Variants in EXOC6B observed in about 807,000 individuals in gnomAD.
EXOC6B encodes the protein exocyst complex component 6B, also known as SEC15 homolog B.
In EXOC6B, 54 loss-of-function variants were observed where a neutral mutation model predicts 113.5. The ratio of observed to expected loss-of-function variants is 0.48; its 90% CI spans 0.38 to 0.60. The LOEUF is 0.60. EXOC6B is among the 20% of genes least tolerant of loss of function. EXOC6B has a pLI of 0.00. For missense variants in EXOC6B, 797 were observed against 977.5 expected (o/e 0.82, Z 2.46); for synonymous variants, 357 against 339.0 (o/e 1.05, Z -0.58).
chr2:72,272,960 G>T (rs1206989018), intron 20 of EXOC6B, among the ~76,000 whole-genome samples: 1 of 152,118 alleles, frequency 6.6e-6, no homozygotes, highest in Non-Finnish European at 1.5e-5. Flanking sequence ...ACTGCATTAA[G>T]GAGAAAGTAA....
Position 72,646,163 on chromosome 2 carries a change from A to C in EXOC6B, c.670-70495T>G, listed in dbSNP as rs1673693664. 2.0e-5 allele frequency among the ~76,000 whole-genome samples: 3 copies of C among 152,252 alleles called. No individual in the cohort carries two copies. In the South Asian group the frequency reaches 6.2e-4, roughly 32 times the overall value. On this transcript the variant is annotated intron_variant, in intron 6 of 21. Coordinates refer to ENST00000272427, the MANE Select transcript of EXOC6B (RefSeq NM_015189.3). ...ACTACCATCAGAGAATACTATAAAC[A>C]CCTCTACGCAGATAAACTAGAAAAT...
At chr2:72,326,711 T>C (rs6727580) in intron 20 of EXOC6B, among the ~76,000 whole-genome samples, 29,147 of 151,732 alleles carry the variant, frequency 0.19, 5,062 homozygotes, top group African/African-American at 0.47. Flanking sequence ...TAAAAGGTCA[T>C]TCTAACACCT....
intron 8 of EXOC6B, among the ~76,000 whole-genome samples, chr2:72,519,193 C>T (rs1339566530): frequency 6.6e-6 from 1 of 152,078 alleles, no homozygotes. Context: ...ATGTTCCTAG[C>T]TAAGGTTTAA....
intron 20 of EXOC6B, among the ~76,000 whole-genome samples, chr2:72,236,932 T>G (rs1350499130): frequency 1.3e-5 from 2 of 152,144 alleles, no homozygotes; most frequent in African/African-American, 4.8e-5. Flanking sequence ...AGAGTAGTAG[T>G]CCTGTTTTTC....
intron 6 of EXOC6B, among the ~76,000 whole-genome samples, chr2:72,641,121 C>T (rs929784298): frequency 6.6e-6 from 1 of 152,226 alleles, no homozygotes; most frequent in African/African-American, 2.4e-5. Context: ...ATAGGAGCAG[C>T]TCCAGTCTGC....
intron 20 of EXOC6B, among the ~76,000 whole-genome samples, chr2:72,293,115 T>C (rs140149805): frequency 6.6e-6 from 1 of 152,272 alleles, no homozygotes; most frequent in Non-Finnish European, 1.5e-5. Flanking sequence ...TGCCAATCTA[T>C]TTTCCAGAGT....
At chr2:72,718,989 A>G (rs907451385) in intron 5 of EXOC6B, among the ~76,000 whole-genome samples, 4 of 152,266 alleles carry the variant, frequency 2.6e-5, no homozygotes, top group Non-Finnish European at 5.9e-5. Context: ...AAGAAAACAA[A>G]TGTAAACTAT....
intron 16 of EXOC6B, among the ~76,000 whole-genome samples, chr2:72,485,579 G>T (rs1409857989): frequency 1.3e-5 from 2 of 152,140 alleles, no homozygotes; most frequent in Non-Finnish European, 2.9e-5. Context: ...CCATCTCCAT[G>T]ATTAAAATAC....
chr2:72,315,107 A>G (rs552000447), intron 20 of EXOC6B, among the ~76,000 whole-genome samples: 1 of 152,276 alleles, frequency 6.6e-6, no homozygotes, highest in South Asian at 2.1e-4. Flanking sequence ...TGCAATCTTA[A>G]ATGGGAAATG....
intron 18 of EXOC6B, among the ~76,000 whole-genome samples, chr2:72,383,929 T>C (rs1691839462): frequency 6.6e-6 from 1 of 152,026 alleles, no homozygotes; most frequent in African/African-American, 2.4e-5. Context: ...TTCTCACTTA[T>C]AAGCAGGAGC....
At chr2:72,324,992 CT>C (rs1553375606) in intron 20 of EXOC6B, among the ~76,000 whole-genome samples, 1 of 152,152 alleles carries the variant, frequency 6.6e-6, no homozygotes, top group Non-Finnish European at 1.5e-5. Flanking sequence ...GCCTATATAA[CT>C]AGTCATCAGA....
intron 8 of EXOC6B, among the ~76,000 whole-genome samples, chr2:72,553,323 T>C (rs1247361884): frequency 1.3e-5 from 2 of 152,210 alleles, no homozygotes; most frequent in East Asian, 3.9e-4. Flanking sequence ...TTAAAAGATC[T>C]TCCTCTTCCA....
chr2:72,436,588 T>C lies in EXOC6B; in HGVS notation c.1980+28572A>G, dbSNP rs138335367. 7.5e-3 allele frequency among the ~76,000 whole-genome samples: 1,140 copies of C among 152,264 alleles called. 9 individuals are homozygous for C. Among genetic ancestry groups the C allele is most frequent in the Non-Finnish European group, 0.012 (831 of 68,012 alleles). ...ATTGTCCTGTATTTCTTGGAGACTT[T>C]GTTCATTCCTTTTCATTCTTTTTTT... On this transcript the variant is annotated intron_variant, in intron 18 of 21. Coordinates refer to ENST00000272427, the MANE Select transcript of EXOC6B (RefSeq NM_015189.3).
chr2:72,287,777 T>C (rs542658234), intron 20 of EXOC6B, among the ~76,000 whole-genome samples: 15 of 152,324 alleles, frequency 9.8e-5, no homozygotes, highest in African/African-American at 3.1e-4. Context: ...TATTCACTTA[T>C]GTATTAAAGA....
chr2:72,691,707 G>C (rs2104590645), intron 6 of EXOC6B, among the ~76,000 whole-genome samples: 1 of 147,638 alleles, frequency 6.8e-6, no homozygotes, highest in East Asian at 2.0e-4. Context: ...TTGAGATGGA[G>C]TTTCGCCCTT....
chr2:72,823,868 CAT>C (rs1266725145), intron 1 of EXOC6B, among the ~76,000 whole-genome samples: 2 of 151,888 alleles, frequency 1.3e-5, no homozygotes, highest in African/African-American at 4.8e-5. Flanking sequence ...TACAGTATAA[CAT>C]ATATTTACAT....
intron 20 of EXOC6B, among the ~76,000 whole-genome samples, chr2:72,294,012 T>A (rs909253026): frequency 1.3e-5 from 2 of 151,638 alleles, no homozygotes; most frequent in Non-Finnish European, 2.9e-5. Flanking sequence ...CATTGCATTT[T>A]CAATAGGATG....
intron 1 of EXOC6B, among the ~76,000 whole-genome samples, chr2:72,742,244 T>A (rs1681366708): frequency 1.3e-5 from 2 of 152,260 alleles, no homozygotes; most frequent in South Asian, 4.1e-4. Flanking sequence ...TTTTCCCATT[T>A]ATCCCTCCTT....
At chr2:72,312,742 C>G (rs971238742) in intron 20 of EXOC6B, among the ~76,000 whole-genome samples, 5 of 138,856 alleles carry the variant, frequency 3.6e-5, no homozygotes, top group African/African-American at 1.3e-4. Flanking sequence ...GCAACAAGAG[C>G]AAGACTTTGT....
Sources: allele counts gnomAD v4.1 joint callset (sites outside exome capture counted in the v4.1 genomes callset), GRCh38; gene constraint gnomAD v4.1.1; transcripts MANE v1.5; gene names NCBI Gene and HGNC (gene_info 2026-07-23, HGNC 2026-07-21).